The following GNG2 variants were observed in gnomAD, a reference collection of about 807,000 sequenced individuals.
GNG2 encodes G protein subunit gamma 2.
A neutral mutation model predicts 5.5 loss-of-function variants in GNG2; 5 were observed. The ratio of observed to expected loss-of-function variants is 0.91; its 90% CI spans 0.48 to 1.92. The LOEUF (loss-of-function observed/expected upper bound fraction) is 1.92. Ranked by LOEUF, GNG2 falls within the 30% of genes most tolerant of loss-of-function variation. The probability of loss-of-function intolerance (pLI) is 0.01; values close to 1 mark genes in which losing one functional copy is unlikely to be tolerated. For synonymous variants in GNG2, 28 were observed against 32.0 expected, an observed-to-expected ratio of 0.88 and a Z score of 0.42; for missense variants, 55 against 88.4, an observed-to-expected ratio of 0.62 and a Z score of 1.52.
At chr14:51,934,682 T>A (rs1399339176) in intron 2 of GNG2, among the ~76,000 whole-genome samples, 1 of 152,196 alleles carries the variant, frequency 6.6e-6, no homozygotes, top group Non-Finnish European at 1.5e-5. Flanking sequence ...CCACGTTCTC[T>A]ATGTGAACAT....
chr14:51,925,347 G>GA (rs1315252921), intron 2 of GNG2, among the ~76,000 whole-genome samples: 1 of 152,110 alleles, frequency 6.6e-6, no homozygotes, highest in South Asian at 2.1e-4. Flanking sequence ...TTTTACAGTT[G>GA]AAAAACTGAG....
chr14:51,894,695 G>A (rs536775844), intron 2 of GNG2, among the ~76,000 whole-genome samples: 17 of 151,970 alleles, frequency 1.1e-4, no homozygotes, highest in Non-Finnish European at 2.1e-4. Context: ...CTCATTTGAA[G>A]ATAAAACCTC....
At chr14:51,827,644 C>CATGTAA (rs1881063787) in intron 1 of GNG2, 1 of 693,758 alleles carries the variant, frequency 1.4e-6, no homozygotes, top group African/African-American at 1.8e-5. Flanking sequence ...GATGTTCATC[C>CATGTAA]ACGTATATGT....
At chr14:51,942,601 T>TCTTTCTTTC (rs1277558601) in intron 2 of GNG2, among the ~76,000 whole-genome samples, 6 of 15,380 alleles carry the variant, frequency 3.9e-4, no homozygotes, top group South Asian at 1.6e-3. Flanking sequence ...TTTTTTTTTT[T>TCTTTCTTTC]TTTTTAGAGA....
At position 51,841,302 on chromosome 14, in the gene GNG2, A is replaced by G. The variant is rs984432729; in HGVS notation, c.64+13495A>G. On this transcript the variant is annotated intron_variant, in intron 2 of 3. Transcript: ENST00000553432. ...CTCCAGACTGACTGAGTTAGAATCT[A>G]TGGCAGGGAGTCCAGGAATCTAGAC... 2.6e-5 allele frequency among the ~76,000 whole-genome samples: 4 copies of G among 152,202 alleles called. 1 individual carries two copies. The highest frequency in any genetic ancestry group is 9.7e-5 in the African/African-American group (4 of 41,430).
chr14:51,966,539 G>T lies in GNG2; in HGVS notation c.88-20G>T. The T allele has an allele frequency of 1.2e-6, 2 of 1,612,452 alleles. No homozygotes were observed. The highest frequency in any genetic ancestry group is 1.7e-6 in the Non-Finnish European group (2 of 1,178,526). ...ACTGTACCAGACTCCAGTGTTGGTTGTTTTTGTCTCCCTTTCCAGGTGTCC... is the reference window on the plus strand; with the variant it reads ...ACTGTACCAGACTCCAGTGTTGGTTTTTTTTGTCTCCCTTTCCAGGTGTCC... On this transcript the variant is annotated intron_variant, in intron 3 of 3. Coordinates refer to ENST00000556766, the MANE Select transcript of GNG2 (RefSeq NM_053064.5).
intron 2 of GNG2, among the ~76,000 whole-genome samples, chr14:51,905,905 C>A (rs1471479924): frequency 6.6e-6 from 1 of 152,192 alleles, no homozygotes; most frequent in Non-Finnish European, 1.5e-5. Context: ...TCCACTTATG[C>A]CGTTATTGTA....
chr14:51,856,997 A>T (rs1018696015), upstream of GNG2, among the ~76,000 whole-genome samples: 4 of 152,226 alleles, frequency 2.6e-5, no homozygotes, highest in Non-Finnish European at 5.9e-5. Context: ...AAAGGAATGG[A>T]ATTTCTGCCA....
chr14:51,957,492 A>C (rs1420708305), intron 3 of GNG2, among the ~76,000 whole-genome samples: 1 of 152,170 alleles, frequency 6.6e-6, no homozygotes, highest in African/African-American at 2.4e-5. Flanking sequence ...GGTGCAAACA[A>C]TTTTGTTTTC....
chr14:51,833,821 G>C (rs892094633), intron 2 of GNG2, among the ~76,000 whole-genome samples: 2 of 152,226 alleles, frequency 1.3e-5, no homozygotes, highest in Non-Finnish European at 2.9e-5. Flanking sequence ...CTGCTGCAAT[G>C]ATGAATGAAA....
At chr14:51,827,557 G>A in intron 1 of GNG2, 1 of 594,544 alleles carries the variant, frequency 1.7e-6, no homozygotes, top group Non-Finnish European at 3.0e-6. Flanking sequence ...ATTTTTTGAT[G>A]TCATACAGTT....
At chr14:51,940,850 A>C (rs958981092) in intron 2 of GNG2, among the ~76,000 whole-genome samples, 1 of 152,116 alleles carries the variant, frequency 6.6e-6, no homozygotes, top group Non-Finnish European at 1.5e-5. Flanking sequence ...ACAAACAACG[A>C]CCCTGAAACC....
intron 2 of GNG2, among the ~76,000 whole-genome samples, chr14:51,936,515 C>CT (rs35156219): frequency 0.39 from 54,655 of 140,542 alleles, 10,501 homozygotes; most frequent in East Asian, 0.5. Context: ...GGCACACTAA[C>CT]TTTTTTTTTT....
intron 2 of GNG2, among the ~76,000 whole-genome samples, chr14:51,911,423 T>G (rs1204398499): frequency 6.6e-6 from 1 of 152,200 alleles, no homozygotes; most frequent in Non-Finnish European, 1.5e-5. Flanking sequence ...GATGTGACCT[T>G]GGAGACCCAT....
chr14:51,929,510 A>G (rs1887530676), intron 2 of GNG2, among the ~76,000 whole-genome samples: 1 of 152,212 alleles, frequency 6.6e-6, no homozygotes, highest in South Asian at 2.1e-4. Flanking sequence ...TGCTCCTCCA[A>G]GCAAGGCCCA....
intron 2 of GNG2, among the ~76,000 whole-genome samples, chr14:51,923,070 T>C (rs1204507592): frequency 6.6e-6 from 1 of 152,218 alleles, no homozygotes; most frequent in Admixed American, 6.5e-5. Flanking sequence ...GGTTTTGTTT[T>C]TCACAAAATA....
intron 2 of GNG2, among the ~76,000 whole-genome samples, chr14:51,923,567 T>TATAC (rs1555354990): frequency 6.7e-6 from 1 of 150,000 alleles, no homozygotes; most frequent in Non-Finnish European, 1.5e-5. Context: ...AAACACACAA[T>TATAC]ACACACACAC....
chr14:51,943,865 G>C (rs550537490), intron 2 of GNG2, among the ~76,000 whole-genome samples: 73 of 152,312 alleles, frequency 4.8e-4, no homozygotes, highest in African/African-American at 1.7e-3. Flanking sequence ...GTCAATGCTA[G>C]CCAAAGCAAT....
rs201858605 is a variant in GNG2, at chr14:51,894,099, A to AT, written c.-30+16446dup. Among the ~76,000 whole-genome samples, 120 of 152,212 alleles carry AT rather than the reference A, an allele frequency of 7.9e-4. 1 individual carries two copies. In the East Asian group the frequency reaches 0.018, roughly 22 times the overall value. ...TTTTTTCCATATAAAATTTAAACTC[A>AT]TTTTGTTATATTGCAAAAAGGGGAA... On this transcript the variant is annotated intron_variant, in intron 2 of 3. Transcript: ENST00000556766.
Sources: gnomAD v4.1 joint callset for allele counts (sites outside exome capture counted in the v4.1 genomes callset) on GRCh38, gnomAD v4.1.1 for gene constraint, MANE v1.5 for transcripts, NCBI Gene and HGNC (gene_info 2026-07-23, HGNC 2026-07-21) for gene names.